The following EDIL3 variants were observed in gnomAD, a reference collection of about 807,000 sequenced individuals.
The protein encoded by EDIL3 is EGF like and discoidin domains 3, also known as EGF-like repeat and discoidin I-like domain-containing protein 3.
Under a neutral mutation model 67.4 loss-of-function variants are expected in EDIL3, and 37 were observed. That is an observed-to-expected ratio of 0.55 (90% CI 0.42 to 0.72). The LOEUF (loss-of-function observed/expected upper bound fraction) is 0.72, where lower values mean the gene tolerates loss of function less well. EDIL3 is among the 30% of genes least tolerant of loss of function. EDIL3 has a pLI of 0.00. For synonymous variants in EDIL3, 195 were observed against 196.3 expected (o/e 0.99, Z 0.05); for missense variants, 527 against 586.3 (o/e 0.90, Z 1.04).
intron 9 of EDIL3, among the ~76,000 whole-genome samples, chr5:83,978,419 T>C (rs971625520): frequency 1.3e-5 from 2 of 151,910 alleles, no homozygotes; most frequent in Admixed American, 6.6e-5. Flanking sequence ...AAAAAAGATA[T>C]CAATTTACTC....
At chr5:84,164,432 T>C (rs1365528661) in intron 4 of EDIL3, among the ~76,000 whole-genome samples, 1 of 152,088 alleles carries the variant, frequency 6.6e-6, no homozygotes, top group Non-Finnish European at 1.5e-5. Flanking sequence ...ATTCAATAAA[T>C]ATTTATAGTA....
At chr5:84,188,039 G>A (rs948442113) in intron 3 of EDIL3, among the ~76,000 whole-genome samples, 6 of 151,872 alleles carry the variant, frequency 4.0e-5, no homozygotes. Flanking sequence ...AAAGCATTTG[G>A]ATAGATTATA....
intron 1 of EDIL3, 120 bp downstream of exon 1, chr5:84,384,188 C>G: frequency 7.8e-7 from 1 of 1,286,334 alleles, no homozygotes; most frequent in African/African-American, 1.5e-5. Flanking sequence ...TCCTCCGCGC[C>G]GCCAGCGGCG....
At chr5:84,183,351 T>A (rs916204136) in intron 3 of EDIL3, among the ~76,000 whole-genome samples, 3 of 152,154 alleles carry the variant, frequency 2.0e-5, no homozygotes, top group African/African-American at 7.2e-5. Flanking sequence ...GAAATGATAG[T>A]GATGTTAGAG....
chr5:84,039,479 T>C (rs1746081898), intron 9 of EDIL3, among the ~76,000 whole-genome samples: 1 of 152,192 alleles, frequency 6.6e-6, no homozygotes, highest in Non-Finnish European at 1.5e-5. Context: ...TGAAAGTTAA[T>C]AAACTATTAG....
chr5:84,325,139 C>T (rs1352332007), intron 1 of EDIL3, among the ~76,000 whole-genome samples: 3 of 151,798 alleles, frequency 2.0e-5, no homozygotes, highest in African/African-American at 7.3e-5. Flanking sequence ...AAATGAACTA[C>T]ATGATTTTTT....
rs529509868 is a variant in EDIL3 at position 84,096,848 on chromosome 5, T to C, written c.651+9801A>G. 2.0e-5 allele frequency among the ~76,000 whole-genome samples: 3 copies of C among 152,314 alleles called. No homozygotes were observed. The East Asian group carries it at 5.8e-4, about 29-fold the overall frequency. On this transcript the variant is annotated intron_variant, in intron 6 of 10. Transcript: ENST00000296591. The stretch of plus-strand genomic sequence containing the variant: ...GACCCAGTGAAAGATAAGTGAATCA[T>C]GGGAGCGGGTCTTTCCCATGCTATT...
At chr5:84,328,217 T>C (rs1192306915) in intron 1 of EDIL3, among the ~76,000 whole-genome samples, 5 of 152,092 alleles carry the variant, frequency 3.3e-5, no homozygotes, top group African/African-American at 1.2e-4. Context: ...AATCCTATTC[T>C]ATATAACTAG....
chr5:84,234,112 G>A (rs1205165637), intron 2 of EDIL3, among the ~76,000 whole-genome samples: 1 of 152,128 alleles, frequency 6.6e-6, no homozygotes, highest in African/African-American at 2.4e-5. Flanking sequence ...ATATTAGAAT[G>A]CATAAGAAAT....
intron 1 of EDIL3, among the ~76,000 whole-genome samples, chr5:84,349,749 C>T (rs1251048242): frequency 6.6e-6 from 1 of 152,062 alleles, no homozygotes; most frequent in Non-Finnish European, 1.5e-5. Context: ...TCAATGACTG[C>T]ATATTATTTC....
chr5:83,967,826 G>A lies in EDIL3; in HGVS notation c.1138-4466C>T, dbSNP rs115463944. ...TGAAAAGTGATACAGATAAATAAGT[G>A]TGCAAGAAATGTGAACACAGGCCAG... On this transcript the variant is annotated intron_variant, in intron 9 of 10. Transcript: ENST00000296591. 7.6e-3 allele frequency among the ~76,000 whole-genome samples: 1,153 copies of A among 152,190 alleles called. 12 individuals carry two copies. Among genetic ancestry groups the A allele is most frequent in the African/African-American group, 0.027 (1,109 of 41,544 alleles).
intron 9 of EDIL3, among the ~76,000 whole-genome samples, chr5:84,033,162 G>C (rs1745958483): frequency 6.6e-6 from 1 of 152,166 alleles, no homozygotes; most frequent in Non-Finnish European, 1.5e-5. Flanking sequence ...CTTCTCTGGA[G>C]ATGACAACTC....
At chr5:84,075,441 A>C (rs1325221933) in intron 6 of EDIL3, among the ~76,000 whole-genome samples, 1 of 152,026 alleles carries the variant, frequency 6.6e-6, no homozygotes, top group Non-Finnish European at 1.5e-5. Flanking sequence ...AGATATTTGC[A>C]ACATCCAAAT....
chr5:84,012,585 G>A (rs1745535853), intron 9 of EDIL3, among the ~76,000 whole-genome samples: 2 of 152,068 alleles, frequency 1.3e-5, no homozygotes, highest in Non-Finnish European at 2.9e-5. Context: ...AAAAATGCCT[G>A]CTTAATATTA....
intron 10 of EDIL3, among the ~76,000 whole-genome samples, chr5:83,956,187 C>G (rs1338794515): frequency 6.6e-6 from 1 of 151,804 alleles, no homozygotes; most frequent in Admixed American, 6.6e-5. Flanking sequence ...AGCCGCACCT[C>G]CTGTTGTCCC....
chr5:84,356,543 C>A (rs756853797), intron 1 of EDIL3, among the ~76,000 whole-genome samples: 22 of 152,222 alleles, frequency 1.4e-4, no homozygotes, highest in Admixed American at 4.6e-4. Flanking sequence ...TCCTTCAAAT[C>A]TCCTGCCTAC....
chr5:84,200,192 C>T (rs1743802593), intron 3 of EDIL3, among the ~76,000 whole-genome samples: 1 of 151,980 alleles, frequency 6.6e-6, no homozygotes, highest in Admixed American at 6.6e-5. Flanking sequence ...AGAGTATTAA[C>T]ACCAACATGG....
At chr5:84,274,780 TACAGACACAC>T (rs956475445) in intron 1 of EDIL3, among the ~76,000 whole-genome samples, 36 of 124,718 alleles carry the variant, frequency 2.9e-4, no homozygotes, top group African/African-American at 1.0e-3. Flanking sequence ...CACATACACA[TACAGACACAC>T]ACAGACACAC....
chr5:84,050,091 G>A (rs904530650), intron 9 of EDIL3, among the ~76,000 whole-genome samples: 16 of 151,354 alleles, frequency 1.1e-4, no homozygotes, highest in African/African-American at 3.4e-4. Context: ...CCAGCTACAT[G>A]GGAGGCTGAG....
Sources: gnomAD v4.1 joint callset for allele counts (sites outside exome capture counted in the v4.1 genomes callset) on GRCh38, gnomAD v4.1.1 for gene constraint, MANE v1.5 for transcripts, NCBI Gene and HGNC (gene_info 2026-07-23, HGNC 2026-07-21) for gene names.